The following STOX2 variants were observed in gnomAD, a reference collection of about 807,000 sequenced individuals.
The protein encoded by STOX2 is storkhead box 2.
A neutral mutation model predicts 60.9 loss-of-function variants in STOX2; 28 were observed. The observed-to-expected ratio is 0.46, with a 90% CI of 0.34 to 0.63. The LOEUF (loss-of-function observed/expected upper bound fraction) is 0.63. STOX2 is among the 30% of genes least tolerant of loss of function. The pLI, the probability that STOX2 is intolerant of heterozygous loss-of-function variation, is 0.01. For synonymous variants in STOX2, 472 were observed against 463.9 expected (o/e 1.02, Z -0.22); for missense variants, 1,024 against 1,187.7 (o/e 0.86, Z 2.03).
chr4:183,916,991 A>G (rs952263719), intron 1 of STOX2, among the ~76,000 whole-genome samples: 1 of 152,164 alleles, frequency 6.6e-6, no homozygotes, highest in African/African-American at 2.4e-5. Context: ...GAAATAACCG[A>G]CACATCTGCC....
chr4:183,882,433 C>T (rs571972107), intron 1 of STOX2, among the ~76,000 whole-genome samples: 3 of 152,326 alleles, frequency 2.0e-5, no homozygotes, highest in African/African-American at 7.2e-5. Context: ...CGGTTAATCC[C>T]GGGATATTGC....
At chr4:183,915,470 TGTC>T (rs1553974342) in intron 1 of STOX2, among the ~76,000 whole-genome samples, 1 of 152,098 alleles carries the variant, frequency 6.6e-6, no homozygotes, top group Non-Finnish European at 1.5e-5. Flanking sequence ...CTCTTTTCGA[TGTC>T]GGTGTCATTC....
intron 1 of STOX2, among the ~76,000 whole-genome samples, chr4:183,967,236 C>T (rs963956758): frequency 4.6e-5 from 7 of 152,004 alleles, no homozygotes; most frequent in Non-Finnish European, 1.0e-4. Flanking sequence ...GTGGTGCATG[C>T]CTGTAATCCC....
chr4:183,980,676 A>T (rs1381093673), intron 1 of STOX2, among the ~76,000 whole-genome samples: 16 of 144,802 alleles, frequency 1.1e-4, no homozygotes, highest in Non-Finnish European at 2.0e-4. Flanking sequence ...TTTGGAGCGA[A>T]TTTTTTTTCC....
chr4:183,890,608 G>A (rs1355332811), intron 1 of STOX2, among the ~76,000 whole-genome samples: 1 of 152,028 alleles, frequency 6.6e-6, no homozygotes, highest in African/African-American at 2.4e-5. Context: ...CAGAAAGGAG[G>A]CAAGCAAATA....
rs138782890 is a variant in STOX2 at position 183,825,611 on chromosome 4, C to A, written c.364+27556C>A. Reference sequence around the variant, plus strand: ...GTGCAGCGCCCGACCCCTCCCTGCCCGTCCTCTGTGTCCCAGGACTCGCGG... The same window carrying A: ...GTGCAGCGCCCGACCCCTCCCTGCCAGTCCTCTGTGTCCCAGGACTCGCGG... On this transcript the variant is annotated intron_variant, in intron 1 of 2. Coordinates refer to the STOX2 transcript ENST00000513034. The surrounding 1 kb of genome is among the most constrained non-coding windows in gnomAD (Gnocchi z 4.1). Among the ~76,000 whole-genome samples the A allele has an allele frequency of 6.6e-6, 1 of 152,140 alleles. No individual in the cohort carries two copies. Among genetic ancestry groups the A allele is most frequent in the Non-Finnish European group, 1.5e-5 (1 of 68,018 alleles).
At chr4:183,912,035 T>G (rs1411072795) in intron 1 of STOX2, among the ~76,000 whole-genome samples, 1 of 152,206 alleles carries the variant, frequency 6.6e-6, no homozygotes, top group Non-Finnish European at 1.5e-5. Context: ...GCTAGTCTTC[T>G]TTAACATCAG....
chr4:183,823,683 T>G (rs942523943), intron 1 of STOX2, among the ~76,000 whole-genome samples: 1 of 152,204 alleles, frequency 6.6e-6, no homozygotes, highest in South Asian at 2.1e-4. Flanking sequence ...GAGACACCAG[T>G]GCCTAAAGGG....
intron 1 of STOX2, among the ~76,000 whole-genome samples, chr4:183,939,865 C>T (rs1479261466): frequency 6.6e-6 from 1 of 152,130 alleles, no homozygotes; most frequent in Admixed American, 6.5e-5. Flanking sequence ...GTGATAGATA[C>T]ATCAGGAGTG....
At chr4:184,005,711 A>G (rs1212744861) in intron 2 of STOX2, among the ~76,000 whole-genome samples, 6 of 152,126 alleles carry the variant, frequency 3.9e-5, no homozygotes, top group Admixed American at 3.3e-4. Context: ...TCTCAGGTCA[A>G]CCCTACAGAT....
intron 1 of STOX2, among the ~76,000 whole-genome samples, chr4:183,897,573 T>C (rs1741366163): frequency 6.6e-6 from 1 of 152,248 alleles, no homozygotes; most frequent in East Asian, 1.9e-4. Context: ...AGCAACTTTA[T>C]TCTGAACTCT....
intron 1 of STOX2, among the ~76,000 whole-genome samples, chr4:183,857,682 C>G (rs1419707236): frequency 6.6e-6 from 1 of 152,124 alleles, no homozygotes; most frequent in Non-Finnish European, 1.5e-5. Flanking sequence ...AATGGAGGAA[C>G]CTTCCCCCCA....
At chr4:183,866,316 C>T (rs1740566226) in intron 1 of STOX2, among the ~76,000 whole-genome samples, 1 of 152,048 alleles carries the variant, frequency 6.6e-6, no homozygotes, top group Non-Finnish European at 1.5e-5. Flanking sequence ...TCTTTCTCTC[C>T]CGGTTTCTCT....
At chr4:183,929,666 C>G (rs951714535) in intron 1 of STOX2, among the ~76,000 whole-genome samples, 1 of 152,150 alleles carries the variant, frequency 6.6e-6, no homozygotes. Flanking sequence ...ACTCTCACTT[C>G]GCGCTGCCAT....
rs1236307617 is a variant in STOX2 at position 183,946,587 on chromosome 4, T to C, written c.166+39631T>C. Among the ~76,000 whole-genome samples, 6 of 152,080 alleles carry C rather than the reference T, an allele frequency of 3.9e-5. No individual in the cohort carries two copies. The East Asian group carries it at 7.7e-4, about 20-fold the overall frequency. ...CACATATGGACTTTTTTTCTTGTTG[T>C]TATTCCCTAAATAACGTAACAACTA... On this transcript the variant is annotated intron_variant, in intron 1 of 3. Transcript: ENST00000308497.
chr4:183,979,617 G>C (rs1483139367), intron 1 of STOX2, among the ~76,000 whole-genome samples: 1 of 151,808 alleles, frequency 6.6e-6, no homozygotes, highest in Non-Finnish European at 1.5e-5. Flanking sequence ...AATGTTATTA[G>C]GAACTAACAG....
At chr4:183,812,426 AGGG>A (rs1739056486) in intron 1 of STOX2, among the ~76,000 whole-genome samples, 1 of 151,886 alleles carries the variant, frequency 6.6e-6, no homozygotes, top group Non-Finnish European at 1.5e-5. Context: ...ATGCAATTTA[AGGG>A]TTTTTAGATT....
chr4:183,833,406 C>G (rs17075082), intron 1 of STOX2, among the ~76,000 whole-genome samples: 9,279 of 152,148 alleles, frequency 0.061, 391 homozygotes, highest in East Asian at 0.17. Flanking sequence ...CAGGTAAGTT[C>G]ATAGCCTGGA....
chr4:183,950,822 G>C (rs1340244698), intron 1 of STOX2, among the ~76,000 whole-genome samples: 2 of 152,186 alleles, frequency 1.3e-5, no homozygotes, highest in Non-Finnish European at 1.5e-5. Context: ...AGGCTGGTAG[G>C]AGGGAGCAGC....
Sources: allele counts gnomAD v4.1 joint callset (sites outside exome capture counted in the v4.1 genomes callset), GRCh38; gene constraint gnomAD v4.1.1; non-coding constraint Gnocchi (gnomAD v3.1); transcripts MANE v1.5; gene names NCBI Gene and HGNC (gene_info 2026-07-23, HGNC 2026-07-21).